GPRIN1: variants seen among roughly 807,000 people sequenced by gnomAD.
GPRIN1 encodes the protein G protein regulated inducer of neurite outgrowth 1, also known as G protein-regulated inducer of neurite outgrowth 1.
Under a neutral mutation model 2.8 loss-of-function variants are expected in GPRIN1, and 4 were observed. That is an observed-to-expected ratio of 1.45 (90% CI 0.71 to 3.32). GPRIN1 has a LOEUF of 3.32. Among genes scored for constraint, GPRIN1 ranks in the 30% most tolerant of loss-of-function variants. The pLI, the probability that GPRIN1 is intolerant of heterozygous loss-of-function variation, is 0.01. For synonymous variants in GPRIN1, 589 were observed against 589.9 expected, an observed-to-expected ratio of 1.00 and a Z score of 0.02; for missense variants, 1,322 against 1,343.4, an observed-to-expected ratio of 0.98 and a Z score of 0.25.
chr5:176,603,391 C>T (rs1759176068), intron 1 of GPRIN1, among the ~76,000 whole-genome samples: 1 of 152,202 alleles, frequency 6.6e-6, no homozygotes, highest in African/African-American at 2.4e-5. Flanking sequence ...CCTTGTTTGG[C>T]TACCAGCTTC....
At position 176,597,397 on chromosome 5, in the gene GPRIN1, C is replaced by T. The variant is rs749177230; in HGVS notation, c.2438G>A (p.Gly813Asp). 3.6e-4 allele frequency: 461 copies of T among 1,290,352 alleles called. 1 individual carries two copies. The highest frequency in any genetic ancestry group is 3.1e-4 in the Non-Finnish European group (315 of 1,023,660). 79.9% of individuals were successfully genotyped at this position (1,290,352 alleles called of 1,614,324 possible). Residue 813 changes from glycine to aspartate, a missense_variant, in exon 2 of 2, where the codon GGC becomes GAC. Coordinates refer to ENST00000303991, the MANE Select transcript of GPRIN1 (RefSeq NM_052899.3). The surrounding 1 kb of genome is among the most constrained non-coding windows in gnomAD (Gnocchi z 6.1). ...GCAGGCCTGCGCGCCCGCCTGAGTG[C>T]CCGCGTCCTCGCGCGGCGGCGGCGG... ...SAPPPPREDA[G>D]TQAGAQACVS...
Position 176,598,162 on chromosome 5 carries a change from T to C in GPRIN1, c.1673A>G (p.Lys558Arg), listed in dbSNP as rs149638200. The change falls in exon 2 of 2, where the codon AAG (lysine) becomes AGG (arginine). Residue 558 changes from lysine to arginine, a missense_variant. This residue lies in a region of GPRIN1 where 1,117 missense variants were observed against 1,128.6 expected (regional missense o/e 0.99). Transcript: ENST00000303991. Reference protein sequence around the residue: ...VGKEDPVSKGKADAGPSGQGD... With the variant: ...VGKEDPVSKGRADAGPSGQGD... ...TTGTCCAGAGGGGCCAGCGTCTGCCTTTCCCTTGCTCACAGGGTCCTCCTT... is the reference window on the plus strand; with the variant it reads ...TTGTCCAGAGGGGCCAGCGTCTGCCCTTCCCTTGCTCACAGGGTCCTCCTT... 453 of 1,612,736 alleles carry C rather than the reference T, an allele frequency of 2.8e-4. No individual in the cohort carries two copies. The highest frequency in any genetic ancestry group is 3.7e-4 in the Non-Finnish European group (442 of 1,180,018).
rs774054789 is a variant in GPRIN1, at chr5:176,597,983, T to C, written c.1852A>G (p.Thr618Ala). Residue 618 changes from threonine to alanine, a missense_variant, in exon 2 of 2, where the codon ACC (threonine) becomes GCC (alanine). By Grantham distance (58) the Thr-to-Ala change is moderately conservative. Coordinates refer to ENST00000303991, the MANE Select transcript of GPRIN1 (RefSeq NM_052899.3). The surrounding 1 kb of genome is among the most constrained non-coding windows in gnomAD (Gnocchi z 6.1). ...SLPLEKGSPV[T>A]TTKADPRASG... ...GCCCTGGGATCCGCCTTTGTGGTGG[T>C]AACAGGACTCCCCTTCTCTAGAGGC... 3.1e-6 allele frequency: 5 copies of C among 1,613,966 alleles called. No individual in the cohort carries two copies. Among genetic ancestry groups the C allele is most frequent in the South Asian group, 2.2e-5 (2 of 91,068 alleles).
rs369834246 is a variant in GPRIN1, at chr5:176,597,954, C to T, written c.1881G>A (p.Ser627=). The change falls in exon 2 of 2, where the codon TCG becomes TCA. Residue 627 remains serine, a synonymous_variant. Transcript: ENST00000303991. The surrounding 1 kb of genome is among the most constrained non-coding windows in gnomAD (Gnocchi z 6.1). Reference sequence around the variant, plus strand: ...CACCAGACTGCGGCTGTGCTTTCCCCGAGGCCCTGGGATCCGCCTTTGTGG... The same window carrying T: ...CACCAGACTGCGGCTGTGCTTTCCCTGAGGCCCTGGGATCCGCCTTTGTGG... The part of the protein sequence containing the change: ...VTTTKADPRA[S]GKAQPQSGGK... 3.0e-5 allele frequency: 48 copies of T among 1,613,904 alleles called. No individual in the cohort carries two copies. The highest frequency in any genetic ancestry group is 2.3e-4 in the African/African-American group (17 of 74,908).
In GPRIN1 at chr5:176,599,856, C is replaced by G. The variant is rs1759122133; in HGVS notation, c.-22G>C. The G allele has an allele frequency of 7.1e-7, 1 of 1,418,276 alleles. No homozygotes were observed. The highest frequency in any genetic ancestry group is 9.2e-7 in the Non-Finnish European group (1 of 1,081,540). The allele number at this position is 1,418,276 out of a possible 1,614,324, so 87.9% of individuals were successfully genotyped here. ...CCATCTGCCCTCATGACCACGCCTG[C>G]ACCCAAGGCTGCTGTCTGGTTCTGA... On this transcript the variant is annotated 5_prime_UTR_variant, in exon 2 of 2. Coordinates refer to ENST00000303991, the MANE Select transcript of GPRIN1 (RefSeq NM_052899.3).
chr5:176,603,667 A>C (rs993910004), intron 1 of GPRIN1, among the ~76,000 whole-genome samples: 3 of 152,056 alleles, frequency 2.0e-5, no homozygotes, highest in Non-Finnish European at 4.4e-5. Context: ...TGCCCATGGG[A>C]CTTATGGGGG....
chr5:176,598,442 C>T lies in GPRIN1; in HGVS notation c.1393G>A (p.Asp465Asn), dbSNP rs199987811. 1.9e-6 allele frequency: 3 copies of T among 1,614,088 alleles called. No individual in the cohort carries two copies. The highest frequency in any genetic ancestry group is 1.3e-5 in the African/African-American group (1 of 75,038). Residue 465 changes from aspartate to asparagine, a missense_variant, in exon 2 of 2, where the codon GAC (aspartate) becomes AAC (asparagine). Asp to Asn is a conservative substitution (Grantham distance 23, BLOSUM62 1). Around this residue, in one of 3 missense-constraint regions of GPRIN1, gnomAD observed 1,117 missense variants for 1,128.6 expected, o/e 0.99. Coordinates refer to ENST00000303991, the MANE Select transcript of GPRIN1 (RefSeq NM_052899.3). ...KEDPVSSRRE[D>N]PISAGSRKTS... ...TTTCTACTTCCAGCAGATATGGGGT[C>T]CTCCCTTCTGGAGGACACCGGGTCC...
chr5:176,607,901 C>CTTTTTTTT (rs1304388285), intron 1 of GPRIN1, among the ~76,000 whole-genome samples: 1 of 95,906 alleles, frequency 1.0e-5, no homozygotes, highest in African/African-American at 3.8e-5. Flanking sequence ...TGACACTTGG[C>CTTTTTTTT]TCTTTTTTTT....
chr5:176,597,778 C>G lies in GPRIN1; in HGVS notation c.2057G>C (p.Gly686Ala). 2 of 1,605,030 alleles carry G rather than the reference C, an allele frequency of 1.2e-6. No individual in the cohort carries two copies. The highest frequency in any genetic ancestry group is 1.7e-6 in the Non-Finnish European group (2 of 1,175,492). ...GGCTTTCCCCAGGGACACAGGCTCT[C>G]CCTTCCCTGAGGCAAGGGGCTCTGC... ...RKAEPLASGK[G>A]EPVSLGKADS... The change falls in exon 2 of 2, where the codon GGA (glycine) becomes GCA (alanine). Residue 686 changes from glycine (G) to alanine (A), a missense_variant. Transcript: ENST00000303991. This position sits in a 1 kb window ranked among gnomAD's most constrained non-coding sequence, Gnocchi z 6.1.
At chr5:176,606,163 A>G (rs1759217738) in intron 1 of GPRIN1, among the ~76,000 whole-genome samples, 1 of 152,182 alleles carries the variant, frequency 6.6e-6, no homozygotes, top group Non-Finnish European at 1.5e-5. Flanking sequence ...GGGACCCTGA[A>G]GAACCCACCT....
chr5:176,609,623 C>G (rs1759278483), intron 1 of GPRIN1, among the ~76,000 whole-genome samples: 1 of 152,060 alleles, frequency 6.6e-6, no homozygotes, highest in African/African-American at 2.4e-5. Flanking sequence ...GGACGCCCTC[C>G]CCCCAGTGGC....
chr5:176,601,992 A>G (rs1029404167), intron 1 of GPRIN1, among the ~76,000 whole-genome samples: 1 of 152,070 alleles, frequency 6.6e-6, no homozygotes, highest in East Asian at 1.9e-4. Flanking sequence ...TCCCCATCCC[A>G]TGCAAAGTAA....
At chr5:176,599,904 A>C in intron 1 of GPRIN1, 27 bp from the exon 2 acceptor site, 1 of 1,315,926 alleles carries the variant, frequency 7.6e-7, no homozygotes, top group Non-Finnish European at 9.8e-7. Context: ...GCTGACTCAG[A>C]CTTCCCAAAG....
intron 1 of GPRIN1, among the ~76,000 whole-genome samples, chr5:176,608,707 A>G (rs1174551098): frequency 6.6e-6 from 1 of 152,202 alleles, no homozygotes; most frequent in Non-Finnish European, 1.5e-5. Context: ...TCCTGCTCCC[A>G]GGGAGAGCAG....
Position 176,597,115 on chromosome 5 carries a change from G to A in GPRIN1, c.2720C>T (p.Ala907Val). The A allele has an allele frequency of 6.8e-7, 1 of 1,478,420 alleles. No individual in the cohort carries two copies. The highest frequency in any genetic ancestry group is 9.0e-7 in the Non-Finnish European group (1 of 1,111,926). The allele number at this position is 1,478,420 out of a possible 1,614,324, so 91.6% of individuals were successfully genotyped here. A position where few individuals can be genotyped will look rare whatever the true frequency, so the allele number is the denominator to read the frequency against. Residue 907 changes from alanine to valine, a missense_variant, in exon 2 of 2, where the codon GCT becomes GTT. Physicochemically the swap from Ala to Val is moderately conservative, Grantham distance 64. Coordinates refer to ENST00000303991, the MANE Select transcript of GPRIN1 (RefSeq NM_052899.3). This position sits in a 1 kb window ranked among gnomAD's most constrained non-coding sequence, Gnocchi z 6.1. ...LAAAVAPPEP[A>V]EPVRDVSWDE... ...CCAGCTCACGTCTCGCACGGGCTCA[G>A]CCGGCTCCGGGGGCGCTACAGCGGC... is the stretch of plus-strand genomic sequence containing the variant.
chr5:176,599,840 C>T lies in GPRIN1; in HGVS notation c.-6G>A, dbSNP rs1184049511. The T allele has an allele frequency of 6.8e-7, 1 of 1,461,730 alleles. No individual in the cohort carries two copies. Among genetic ancestry groups the T allele is most frequent in the Non-Finnish European group, 9.1e-7 (1 of 1,104,098 alleles). The allele number at this position is 1,461,730 out of a possible 1,614,324, so 90.5% of individuals were successfully genotyped here. ...GGGTCTTCAGCAGTGTCCATCTGCC[C>T]TCATGACCACGCCTGCACCCAAGGC... On this transcript the variant is annotated 5_prime_UTR_variant, in exon 2 of 2. Transcript: ENST00000303991.
intron 1 of GPRIN1, among the ~76,000 whole-genome samples, chr5:176,601,394 GAC>G (rs1270544783): frequency 3.9e-5 from 6 of 152,200 alleles, no homozygotes; most frequent in Non-Finnish European, 8.8e-5. Flanking sequence ...CTCGATGAGA[GAC>G]AGCACAGCAG....
At chr5:176,609,149 G>C (rs546529757) in intron 1 of GPRIN1, among the ~76,000 whole-genome samples, 1 of 152,150 alleles carries the variant, frequency 6.6e-6, no homozygotes, top group Non-Finnish European at 1.5e-5. Context: ...AAGAGACAGA[G>C]TGTGTGTGTA....
chr5:176,606,905 T>C (rs1759227619), intron 1 of GPRIN1, among the ~76,000 whole-genome samples: 2 of 152,190 alleles, frequency 1.3e-5, no homozygotes, highest in African/African-American at 2.4e-5. Flanking sequence ...AACATGCCCC[T>C]TCTGAAAGTC....
Sources: allele counts gnomAD v4.1 joint callset (sites outside exome capture counted in the v4.1 genomes callset), GRCh38; gene constraint gnomAD v4.1.1; regional missense constraint gnomAD v4.1.1; non-coding constraint Gnocchi (gnomAD v3.1); transcripts MANE v1.5; gene names NCBI Gene and HGNC (gene_info 2026-07-23, HGNC 2026-07-21).